The following ATL3 variants were observed in gnomAD, a reference collection of about 807,000 sequenced individuals.
ATL3 encodes the protein atlastin-3.
In ATL3, 49 loss-of-function variants were observed where a neutral mutation model predicts 69.5. That is an observed-to-expected ratio of 0.71 (90% confidence interval 0.56 to 0.89). The LOEUF (loss-of-function observed/expected upper bound fraction) is 0.89, where lower values mean the gene tolerates loss of function less well. Ranked by LOEUF, ATL3 falls within the 40% of genes least tolerant of loss-of-function variation. The probability of loss-of-function intolerance (pLI) is 0.00; values close to 1 mark genes in which losing one functional copy is unlikely to be tolerated. For missense variants in ATL3, 606 were observed against 645.7 expected (o/e 0.94, Z 0.67); for synonymous variants, 214 against 224.1 (o/e 0.95, Z 0.40).
At chr11:63,657,728 AG>A (rs1255736350) in intron 3 of ATL3, among the ~76,000 whole-genome samples, 1 of 152,256 alleles carries the variant, frequency 6.6e-6, no homozygotes, top group Non-Finnish European at 1.5e-5. Flanking sequence ...TTTGATAAAA[AG>A]TTGTTTTCAC....
chr11:63,641,489 GAA>G (rs746581666), intron 8 of ATL3, among the ~76,000 whole-genome samples: 16 of 152,156 alleles, frequency 1.1e-4, no homozygotes, highest in Non-Finnish European at 1.0e-4. Context: ...GTGCTCACAA[GAA>G]AAAGACAGAA....
Position 63,650,514 on chromosome 11 carries a change from C to A in ATL3, c.561+1422G>T, listed in dbSNP as rs1378877910. 7 of 152,214 alleles carry A rather than the reference C, an allele frequency of 4.6e-5. No homozygotes were observed. The East Asian group carries it at 1.3e-3, about 29-fold the overall frequency. The allele number at this position is 152,214 out of a possible 1,614,324, so 9.4% of individuals were successfully genotyped here. On this transcript the variant is annotated intron_variant, in intron 5 of 12. Transcript: ENST00000398868. ...TAGTTCATTCTTACGGATTTCCAGG[C>A]ACACAAACATATTACTTTCTCCTCT...
chr11:63,628,901 T>A lies in ATL3; in HGVS notation c.*418A>T, dbSNP rs572117682. 6.3e-6 allele frequency: 1 copy of A among 158,988 alleles called. No individual in the cohort carries two copies. The highest frequency in any genetic ancestry group is 1.8e-4 in the East Asian group (1 of 5,526). 9.8% of individuals were successfully genotyped at this position (158,988 alleles called of 1,614,324 possible). A position where few individuals can be genotyped will look rare whatever the true frequency, so the allele number is the denominator to read the frequency against. ...TAAAGTATAAAAGAAATGTCAAGTTTCACCCGAAAACGGCACCTTTCATGA... is the reference window on the plus strand; with the variant it reads ...TAAAGTATAAAAGAAATGTCAAGTTACACCCGAAAACGGCACCTTTCATGA... On this transcript the variant is annotated 3_prime_UTR_variant, in exon 13 of 13. Transcript: ENST00000398868.
intron 10 of ATL3, among the ~76,000 whole-genome samples, chr11:63,634,187 A>T (rs767191493): frequency 0.029 from 3,363 of 117,276 alleles, 59 homozygotes; most frequent in Middle Eastern, 0.051. Context: ...TTTCTATTTA[A>T]AAAAAAAAAA....
chr11:63,655,355 T>C (rs1940207360), intron 3 of ATL3, among the ~76,000 whole-genome samples: 1 of 152,110 alleles, frequency 6.6e-6, no homozygotes, highest in African/African-American at 2.4e-5. Flanking sequence ...ATCACCATGT[T>C]GGCCAGGCTG....
At chr11:63,666,590 T>C (rs1440138317) in intron 1 of ATL3, among the ~76,000 whole-genome samples, 1 of 144,076 alleles carries the variant, frequency 6.9e-6, no homozygotes, top group African/African-American at 2.5e-5. Context: ...GGCTCATGCA[T>C]GTAATCCCAG....
Position 63,626,826 on chromosome 11 carries a change from T to C in ATL3, c.*2493A>G, listed in dbSNP as rs796681105. 33 of 152,234 alleles carry C rather than the reference T, an allele frequency of 2.2e-4. No homozygotes were observed. Among genetic ancestry groups the C allele is most frequent in the African/African-American group, 7.0e-4 (29 of 41,534 alleles). The allele number at this position is 152,234 out of a possible 1,614,324, so 9.4% of individuals were successfully genotyped here. ...GCCAGTAATGATAATGCATCTTTTATTGAAAAAGCTGATATAAAATCATCA... is the reference window on the plus strand; with the variant it reads ...GCCAGTAATGATAATGCATCTTTTACTGAAAAAGCTGATATAAAATCATCA... On this transcript the variant is annotated 3_prime_UTR_variant, in exon 13 of 13. Transcript: ENST00000398868.
upstream of ATL3, chr11:63,671,421 G>A: frequency 3.3e-6 from 5 of 1,515,560 alleles, no homozygotes; most frequent in South Asian, 2.5e-5. Context: ...CCTGGAAGCG[G>A]GAAACGGGCG....
intron 5 of ATL3, chr11:63,650,497 T>G (rs1353253374): frequency 1.3e-5 from 2 of 152,214 alleles, no homozygotes; most frequent in African/African-American, 4.8e-5. Flanking sequence ...TCTAGTTCAT[T>G]CTTACGGATT....
At chr11:63,655,494 C>T (rs572769874) in intron 3 of ATL3, among the ~76,000 whole-genome samples, 2 of 147,672 alleles carry the variant, frequency 1.4e-5, no homozygotes, top group East Asian at 4.0e-4. Flanking sequence ...GTTGCCCAGG[C>T]GGAAGTGCAA....
intron 3 of ATL3, among the ~76,000 whole-genome samples, chr11:63,658,465 G>A (rs1439346838): frequency 6.6e-6 from 1 of 152,124 alleles, no homozygotes; most frequent in Admixed American, 6.5e-5. Flanking sequence ...AAAAAAGTCT[G>A]TATAGCTTTT....
At position 63,631,233 on chromosome 11, in the gene ATL3, G is replaced by T. The variant is rs775539106; in HGVS notation, c.1346C>A (p.Thr449Lys). 6.2e-7 allele frequency: 1 copy of T among 1,614,090 alleles called. No homozygotes were observed. The highest frequency in any genetic ancestry group is 1.3e-5 in the African/African-American group (1 of 74,928). The change falls in exon 12 of 13, where the codon ACG (threonine) becomes AAG (lysine). Residue 449 changes from threonine to lysine, a missense_variant. By Grantham distance (78) the Thr-to-Lys change is moderately conservative (BLOSUM62 -1). Coordinates refer to ENST00000398868, the MANE Select transcript of ATL3 (RefSeq NM_015459.5). The stretch of plus-strand genomic sequence containing the variant: ...GGCTATGTACAAAGCTACAATGCCC[G>T]TGAACAGCACTGCAGGGGTTCGGAA... ...STFRTPAVLF[T>K]GIVALYIASG...
rs187920254 is a variant in ATL3 at position 63,629,912 on chromosome 11, A to G, written c.1540-507T>C. Among the ~76,000 whole-genome samples, 526 of 152,296 alleles carry G rather than the reference A, an allele frequency of 3.5e-3. 3 individuals carry two copies. The highest frequency in any genetic ancestry group is 6.1e-3 in the Non-Finnish European group (416 of 68,028). On this transcript the variant is annotated intron_variant, in intron 12 of 12. Transcript: ENST00000398868. ...TTATAAATAAATAAATAAGCAACCC[A>G]ATAAATAAATAACCAAGCCACTGGC...
chr11:63,631,202 G>T lies in ATL3; in HGVS notation c.1377C>A (p.Gly459=). The T allele has an allele frequency of 6.2e-7, 1 of 1,614,188 alleles. No individual in the cohort carries two copies. The highest frequency in any genetic ancestry group is 8.5e-7 in the Non-Finnish European group (1 of 1,180,028). The change falls in exon 12 of 13, where the codon GGC becomes GGA. Residue 459 remains glycine, a synonymous_variant. Coordinates refer to ENST00000398868, the MANE Select transcript of ATL3 (RefSeq NM_015459.5). ...CCTCAAGACCTATGAAGCCAGTGAG[G>T]CCTGAGGCTATGTACAAAGCTACAA... is the stretch of plus-strand genomic sequence containing the variant. ...TGIVALYIAS[G]LTGFIGLEVV...
Position 63,669,646 on chromosome 11 carries a change from G to C in ATL3, c.46+1644C>G, listed in dbSNP as rs568446538. Among the ~76,000 whole-genome samples, 3 of 152,094 alleles carry C rather than the reference G, an allele frequency of 2.0e-5. No individual in the cohort carries two copies. In the East Asian group the frequency reaches 5.8e-4, roughly 30 times the overall value. ...TACTACAATGAGGTAGTAAACTGTA[G>C]CTAATACAATAATGGGCCGGGCACG... On this transcript the variant is annotated intron_variant, in intron 1 of 12. Coordinates refer to ENST00000398868, the MANE Select transcript of ATL3 (RefSeq NM_015459.5).
At chr11:63,655,863 G>A (rs1367053755) in intron 3 of ATL3, among the ~76,000 whole-genome samples, 1 of 152,098 alleles carries the variant, frequency 6.6e-6, no homozygotes, top group African/African-American at 2.4e-5. Context: ...ACCTTAAAAT[G>A]TCCAAATTTG....
rs201870874 is a variant in ATL3, at chr11:63,671,305, C to A, written c.31G>T (p.Ala11Ser). MLSPQRVAAAASRGADDAMES... is the reference protein window; with the variant it reads MLSPQRVAAASSRGADDAMES... The stretch of plus-strand genomic sequence containing the variant: ...GGCGCCTCACCTGCTCCTCTTGAGG[C>A]AGCTGCTGCCACTCGCTGAGGGGAC... The change falls in exon 1 of 13, where the codon GCC becomes TCC. Residue 11 changes from alanine (A) to serine (S), a missense_variant. Ala to Ser is a moderately conservative substitution (Grantham distance 99, BLOSUM62 1). Transcript: ENST00000398868. The A allele has an allele frequency of 1.1e-4, 177 of 1,587,472 alleles. 1 individual carries two copies. In the Admixed American group the frequency reaches 3.0e-3, roughly 27 times the overall value.
intron 1 of ATL3, among the ~76,000 whole-genome samples, chr11:63,660,952 A>AT (rs948346456): frequency 1.3e-5 from 2 of 151,912 alleles, no homozygotes; most frequent in African/African-American, 4.8e-5. Context: ...AGTGGCTCAC[A>AT]TTTACAATCT....
intron 1 of ATL3, among the ~76,000 whole-genome samples, chr11:63,665,261 CT>C (rs1260349963): frequency 6.6e-6 from 1 of 151,308 alleles, no homozygotes; most frequent in Non-Finnish European, 1.5e-5. Flanking sequence ...AGGAGAATCG[CT>C]TGAACCCCGG....
Sources: gnomAD v4.1 joint callset for allele counts (sites outside exome capture counted in the v4.1 genomes callset) on GRCh38, gnomAD v4.1.1 for gene constraint, MANE v1.5 for transcripts, NCBI Gene and HGNC (gene_info 2026-07-23, HGNC 2026-07-21) for gene names.